Variants in KRT31 observed in about 807,000 individuals in gnomAD.
KRT31 encodes keratin 31.
KRT31 carries 27 observed loss-of-function variants against 40.8 expected under a neutral mutation model. That is an observed-to-expected ratio of 0.66 (90% CI 0.49 to 0.91). The LOEUF (loss-of-function observed/expected upper bound fraction) is 0.91, where lower values mean the gene tolerates loss of function less well. Among genes scored for constraint, KRT31 ranks in the 40% least tolerant of loss-of-function variants. KRT31 has a pLI of 0.00. For synonymous variants in KRT31, 231 were observed against 231.9 expected, an observed-to-expected ratio of 1.00 and a Z score of 0.03; for missense variants, 510 against 544.1, an observed-to-expected ratio of 0.94 and a Z score of 0.62.
Position 41,394,143 on chromosome 17 carries a change from G to C in KRT31, c.1124C>G (p.Thr375Ser), listed in dbSNP as rs1020834914. Residue 375 changes from threonine to serine, a missense_variant, in exon 7 of 7, where the codon ACC becomes AGC. Coordinates refer to ENST00000251645, the MANE Select transcript of KRT31 (RefSeq NM_002277.3). ...TCCGATGGGCTTGCTGCACGCGTTG[G>C]TCGTGGCACAGGGATTGCTGGGCAG... ...CNLPSNPCAT[T>S]NACSKPIGPC... is the part of the protein sequence containing the mutation. 1 of 1,612,088 alleles carries C rather than the reference G, an allele frequency of 6.2e-7. No individual in the cohort carries two copies. Among genetic ancestry groups the C allele is most frequent in the South Asian group, 1.1e-5 (1 of 90,796 alleles).
At position 41,394,106 on chromosome 17, in the gene KRT31, G is replaced by A; in HGVS notation, c.1161C>T (p.Ser387=). Residue 387 remains serine (S), a synonymous_variant, in exon 7 of 7, where the codon TCC becomes TCT. Transcript: ENST00000251645. The stretch of plus-strand genomic sequence containing the variant: ...GAGGGACACAAGAGGTACAGGGATT[G>A]GAGAGACAGGGTCCGATGGGCTTGC... ...ACSKPIGPCL[S]NPCTSCVPPA... The A allele has an allele frequency of 6.2e-7, 1 of 1,613,128 alleles. No homozygotes were observed. The highest frequency in any genetic ancestry group is 8.5e-7 in the Non-Finnish European group (1 of 1,179,558).
chr17:41,396,866 G>T, intron 2 of KRT31, 47 bp downstream of exon 2: 1 of 1,441,508 alleles, frequency 6.9e-7, no homozygotes, highest in Non-Finnish European at 9.8e-7. Context: ...TTTCTTTAAA[G>T]ATTAAACAGA....
intron 3 of KRT31, 39 bp from the exon 4 acceptor site, chr17:41,395,662 A>G (rs1475850289): frequency 1.3e-6 from 2 of 1,597,900 alleles, no homozygotes; most frequent in Admixed American, 3.5e-5. Flanking sequence ...TATGCTCAGC[A>G]AAGAATGAAC....
In KRT31 at chr17:41,393,749, G is replaced by C. The variant is rs1294224996; in HGVS notation, c.*267C>G. 1 of 464,636 alleles carries C rather than the reference G, an allele frequency of 2.2e-6. No individual in the cohort carries two copies. The highest frequency in any genetic ancestry group is 3.7e-6 in the Non-Finnish European group (1 of 266,774). The allele number at this position is 464,636 out of a possible 1,614,324, so 28.8% of individuals were successfully genotyped here. ...TTTGCCAAGGAAATGATATTTATTA[G>C]GAGGTTAAAAGGGAGGCCCACTGGC... On this transcript the variant is annotated 3_prime_UTR_variant, in exon 7 of 7. Coordinates refer to ENST00000251645, the MANE Select transcript of KRT31 (RefSeq NM_002277.3).
At position 41,397,563 on chromosome 17, in the gene KRT31, T is replaced by A. The variant is rs753234551; in HGVS notation, c.-24A>T. 4 of 1,585,164 alleles carry A rather than the reference T, an allele frequency of 2.5e-6. No individual in the cohort carries two copies. In the South Asian group the frequency reaches 4.6e-5, roughly 18 times the overall value. The stretch of plus-strand genomic sequence containing the variant: ...ATAGTGCTGGGAGGGAGGGAGGGAG[T>A]GCCTGGCTGAAGACAGAGTCTAAAT... On this transcript the variant is annotated 5_prime_UTR_variant, in exon 1 of 7. Transcript: ENST00000251645.
At position 41,394,264 on chromosome 17, in the gene KRT31, G is replaced by A. The variant is rs2018182123; in HGVS notation, c.1098-95C>T. On this transcript the variant is annotated intron_variant, in intron 6 of 6. Coordinates refer to ENST00000251645, the MANE Select transcript of KRT31 (RefSeq NM_002277.3). ...CCAAGGGTAAGAATGCCTGGGTCAA[G>A]GGACTTGACCTGGCCTAGAACAGAA... 3 of 1,383,942 alleles carry A rather than the reference G, an allele frequency of 2.2e-6. No homozygotes were observed. In the African/African-American group the frequency reaches 4.4e-5, roughly 20 times the overall value. The allele number at this position is 1,383,942 out of a possible 1,614,324, so 85.7% of individuals were successfully genotyped here.
Position 41,393,900 on chromosome 17 carries a change from C to G in KRT31, c.*116G>C, listed in dbSNP as rs192729451. 12 of 1,203,302 alleles carry G rather than the reference C, an allele frequency of 1.0e-5. No homozygotes were observed. Among genetic ancestry groups the G allele is most frequent in the East Asian group, 2.6e-5 (1 of 38,898 alleles). The allele number at this position is 1,203,302 out of a possible 1,614,324, so 74.5% of individuals were successfully genotyped here. The stretch of plus-strand genomic sequence containing the variant: ...GGGTGAGTTTCTTGGCTGCCTTACG[C>G]GGGCAACTCCAGCCATGCAAATGAT... On this transcript the variant is annotated 3_prime_UTR_variant, in exon 7 of 7. Coordinates refer to ENST00000251645, the MANE Select transcript of KRT31 (RefSeq NM_002277.3).
Position 41,394,839 on chromosome 17 carries a change from T to A in KRT31, c.1097+9A>T, listed in dbSNP as rs1411819102. ...TCATTTCATCAAACACGTCTGCCCATGTACTCACTTGCAGTCCTCGCTCTC... is the reference window on the plus strand; with the variant it reads ...TCATTTCATCAAACACGTCTGCCCAAGTACTCACTTGCAGTCCTCGCTCTC... On this transcript the variant is annotated intron_variant, in intron 6 of 6. Transcript: ENST00000251645. The A allele has an allele frequency of 5.0e-6, 8 of 1,613,896 alleles. No individual in the cohort carries two copies.
In KRT31 at chr17:41,393,924, A is replaced by G; in HGVS notation, c.*92T>C. ...GCGGGCAACTCCAGCCATGCAAATG[A>G]TGTTTTCAGGCCCCTTTTGTTGAAC... On this transcript the variant is annotated 3_prime_UTR_variant, in exon 7 of 7. Coordinates refer to ENST00000251645, the MANE Select transcript of KRT31 (RefSeq NM_002277.3). The G allele has an allele frequency of 2.8e-6, 4 of 1,414,188 alleles. No individual in the cohort carries two copies. Among genetic ancestry groups the G allele is most frequent in the Non-Finnish European group, 3.8e-6 (4 of 1,049,672 alleles). 87.6% of individuals were successfully genotyped at this position (1,414,188 alleles called of 1,614,324 possible).
At position 41,394,143 on chromosome 17, in the gene KRT31, G is replaced by T. The variant is rs1020834914; in HGVS notation, c.1124C>A (p.Thr375Asn). The T allele has an allele frequency of 6.2e-7, 1 of 1,612,088 alleles. No individual in the cohort carries two copies. The highest frequency in any genetic ancestry group is 8.5e-7 in the Non-Finnish European group (1 of 1,179,278). ...TCCGATGGGCTTGCTGCACGCGTTG[G>T]TCGTGGCACAGGGATTGCTGGGCAG... is the stretch of plus-strand genomic sequence containing the variant. ...CNLPSNPCAT[T>N]NACSKPIGPC... Residue 375 changes from threonine (T) to asparagine (N), a missense_variant, in exon 7 of 7, where the codon ACC becomes AAC. Transcript: ENST00000251645.
intron 3 of KRT31, 98 bp downstream of exon 3, chr17:41,396,322 C>T: frequency 8.4e-7 from 1 of 1,196,234 alleles, no homozygotes; most frequent in Non-Finnish European, 1.2e-6. Flanking sequence ...AACCCTCAGT[C>T]TTGTACTCAT....
chr17:41,395,172 G>A (rs2018200622), intron 5 of KRT31, 73 bp downstream of exon 5: 1 of 1,610,472 alleles, frequency 6.2e-7, no homozygotes, highest in Non-Finnish European at 8.5e-7. Flanking sequence ...GAGAGTGTGT[G>A]GCCCCAAGCA....
Position 41,394,066 on chromosome 17 carries a change from G to T in KRT31, c.1201C>A (p.Pro401Thr), listed in dbSNP as rs750414757. ...TSCVPPAPCTPCAPRPRCGPC... is the reference protein window; with the variant it reads ...TSCVPPAPCTTCAPRPRCGPC... Reference sequence around the variant, plus strand: ...CCACAGCGGGGGCGTGGGGCACAGGGTGTGCAGGGGGCAGGAGGGACACAA... The same window carrying T: ...CCACAGCGGGGGCGTGGGGCACAGGTTGTGCAGGGGGCAGGAGGGACACAA... Residue 401 changes from proline (P) to threonine (T), a missense_variant, in exon 7 of 7, where the codon CCC (proline) becomes ACC (threonine). Transcript: ENST00000251645. 1 of 1,613,514 alleles carries T rather than the reference G, an allele frequency of 6.2e-7. No individual in the cohort carries two copies. The highest frequency in any genetic ancestry group is 8.5e-7 in the Non-Finnish European group (1 of 1,179,766).
Position 41,394,821 on chromosome 17 carries a change from A to C in KRT31, c.1097+27T>G, listed in dbSNP as rs370138904. On this transcript the variant is annotated intron_variant, in intron 6 of 6. Coordinates refer to ENST00000251645, the MANE Select transcript of KRT31 (RefSeq NM_002277.3). ...GTTACACTCACACGTGCATCATTTC[A>C]TCAAACACGTCTGCCCATGTACTCA... 98 of 1,612,334 alleles carry C rather than the reference A, an allele frequency of 6.1e-5. No individual in the cohort carries two copies. The African/African-American group carries it at 1.2e-3, about 20-fold the overall frequency.
intron 6 of KRT31, 118 bp downstream of exon 6, chr17:41,394,730 G>T: frequency 1.3e-6 from 2 of 1,519,856 alleles, no homozygotes; most frequent in East Asian, 2.3e-5. Flanking sequence ...AGTTCTGTTT[G>T]AGCATGTCTA....
Position 41,397,498 on chromosome 17 carries a change from G to C in KRT31, c.42C>G (p.Thr14=). 6.2e-7 allele frequency: 1 copy of C among 1,613,304 alleles called. No individual in the cohort carries two copies. The highest frequency in any genetic ancestry group is 8.5e-7 in the Non-Finnish European group (1 of 1,179,734). ...NFCLPSLSCR[T]SCSSRPCVPP... ...GCACGCAGGGCCGGGAGGAGCAGCTGGTGCGGCAGCTCAGGCTGGGCAGGC... is the reference window on the plus strand; with the variant it reads ...GCACGCAGGGCCGGGAGGAGCAGCTCGTGCGGCAGCTCAGGCTGGGCAGGC... The change falls in exon 1 of 7, where the codon ACC becomes ACG. Residue 14 remains threonine (T), a synonymous_variant. Coordinates refer to ENST00000251645, the MANE Select transcript of KRT31 (RefSeq NM_002277.3).
intron 3 of KRT31, among the ~76,000 whole-genome samples, chr17:41,396,084 AT>A (rs1418200271): frequency 2.3e-5 from 3 of 132,482 alleles, no homozygotes; most frequent in Middle Eastern, 4.1e-3. Context: ...AAGGTTTGAT[AT>A]TTTTTTTCTT....
At position 41,393,729 on chromosome 17, in the gene KRT31, C is replaced by A; in HGVS notation, c.*287G>T. ...CAAATGAAAAAGGCATCTGCTTTGC[C>A]AAGGAAATGATATTTATTAGGAGGT... On this transcript the variant is annotated 3_prime_UTR_variant, in exon 7 of 7. Coordinates refer to ENST00000251645, the MANE Select transcript of KRT31 (RefSeq NM_002277.3). The A allele has an allele frequency of 2.3e-6, 1 of 434,090 alleles. No individual in the cohort carries two copies. Among genetic ancestry groups the A allele is most frequent in the Non-Finnish European group, 4.0e-6 (1 of 248,008 alleles). The allele number at this position is 434,090 out of a possible 1,614,324, so 26.9% of individuals were successfully genotyped here.
Position 41,394,968 on chromosome 17 carries a change from G to A in KRT31, c.977C>T (p.Ala326Val), listed in dbSNP as rs372409338. Residue 326 changes from alanine to valine, a missense_variant, in exon 6 of 7, where the codon GCG becomes GTG. Ala to Val is a moderately conservative substitution (Grantham distance 64). Coordinates refer to ENST00000251645, the MANE Select transcript of KRT31 (RefSeq NM_002277.3). ...SLITNVESQL[A>V]EIRSDLERQN... is the part of the protein sequence containing the mutation. ...CCGCTCCAGGTCACTGCGGATCTCCGCCAGCTGGGACTCCACGTTGGTGAT... is the reference window on the plus strand; with the variant it reads ...CCGCTCCAGGTCACTGCGGATCTCCACCAGCTGGGACTCCACGTTGGTGAT... 115 of 1,614,216 alleles carry A rather than the reference G, an allele frequency of 7.1e-5. No individual in the cohort carries two copies. The highest frequency in any genetic ancestry group is 3.6e-4 in the African/African-American group (27 of 75,050).
Sources: gnomAD v4.1 joint callset for allele counts (sites outside exome capture counted in the v4.1 genomes callset) on GRCh38, gnomAD v4.1.1 for gene constraint, MANE v1.5 for transcripts, NCBI Gene and HGNC (gene_info 2026-07-23, HGNC 2026-07-21) for gene names.